Variants in ZC3H3 observed in about 807,000 individuals in gnomAD.
ZC3H3 encodes zinc finger CCCH domain-containing protein 3.
Under a neutral mutation model 77.3 loss-of-function variants are expected in ZC3H3, and 36 were observed. The observed-to-expected ratio is 0.47, with a 90% CI of 0.36 to 0.61. The LOEUF is 0.61. Ranked by LOEUF, ZC3H3 falls within the 20% of genes least tolerant of loss-of-function variation. The pLI, the probability that ZC3H3 is intolerant of heterozygous loss-of-function variation, is 0.00. For missense variants in ZC3H3, 1,331 were observed against 1,312.2 expected, an observed-to-expected ratio of 1.01 and a Z score of -0.22; for synonymous variants, 626 against 555.2, an observed-to-expected ratio of 1.13 and a Z score of -1.79.
chr8:143,492,602 C>T (rs1455211424), intron 4 of ZC3H3, among the ~76,000 whole-genome samples: 1 of 151,588 alleles, frequency 6.6e-6, no homozygotes, highest in African/African-American at 2.4e-5. Flanking sequence ...CGGGGAGGGC[C>T]TCACCTCGCA....
At chr8:143,507,415 G>A (rs145288263) in intron 4 of ZC3H3, among the ~76,000 whole-genome samples, 11 of 152,376 alleles carry the variant, frequency 7.2e-5, no homozygotes, top group African/African-American at 2.4e-4. Flanking sequence ...AGCACATGGC[G>A]TGGGCCCTGA....
At position 143,530,125 on chromosome 8, in the gene ZC3H3, A is replaced by T. The variant is rs1822554655; in HGVS notation, c.1561+6132T>A. Among the ~76,000 whole-genome samples the T allele has an allele frequency of 6.6e-6, 1 of 152,096 alleles. No individual in the cohort carries two copies. The highest frequency in any genetic ancestry group is 1.5e-5 in the Non-Finnish European group (1 of 67,980). On this transcript the variant is annotated intron_variant, in intron 3 of 11. Coordinates refer to ENST00000262577, the MANE Select transcript of ZC3H3 (RefSeq NM_015117.3). This position sits in a 1 kb window ranked among gnomAD's most constrained non-coding sequence, Gnocchi z 4.3. ...GCAGATGCCCGGCCTGGCTCCTGTCAAAGCCTGGGCAGCCGGCAGGCCTCG... is the reference window on the plus strand; with the variant it reads ...GCAGATGCCCGGCCTGGCTCCTGTCTAAGCCTGGGCAGCCGGCAGGCCTCG...
chr8:143,492,637 C>T (rs1309993653), intron 4 of ZC3H3, among the ~76,000 whole-genome samples: 1 of 152,232 alleles, frequency 6.6e-6, no homozygotes, highest in East Asian at 1.9e-4. Context: ...GGCACCTGAC[C>T]ACACGCACAT....
Position 143,523,437 on chromosome 8 carries a change from A to G in ZC3H3, c.1561+12820T>C, listed in dbSNP as rs35602999. The G allele has an allele frequency of 6.1e-3, 5,960 of 984,246 alleles. 243 individuals are homozygous for G. In the African/African-American group the frequency reaches 0.096, roughly 16 times the overall value. The allele number at this position is 984,246 out of a possible 1,614,324, so 61.0% of individuals were successfully genotyped here. A position where few individuals can be genotyped will look rare whatever the true frequency, so the allele number is the denominator to read the frequency against. Reference sequence around the variant, plus strand: ...GGTGCCCTGTCTGGAAGGTGATCTCAGGGAGGGTGGTGTTTGCAGCCATCT... The same window carrying G: ...GGTGCCCTGTCTGGAAGGTGATCTCGGGGAGGGTGGTGTTTGCAGCCATCT... On this transcript the variant is annotated intron_variant, in intron 3 of 11. Coordinates refer to ENST00000262577, the MANE Select transcript of ZC3H3 (RefSeq NM_015117.3).
At chr8:143,467,700 G>A (rs552403464) in intron 8 of ZC3H3, among the ~76,000 whole-genome samples, 1 of 152,352 alleles carries the variant, frequency 6.6e-6, no homozygotes, top group African/African-American at 2.4e-5. Flanking sequence ...CTCAAAGCAA[G>A]TCTGTTGGGT....
chr8:143,456,691 C>T (rs140428330), intron 9 of ZC3H3, among the ~76,000 whole-genome samples: 184 of 152,194 alleles, frequency 1.2e-3, no homozygotes, highest in African/African-American at 4.1e-3. Flanking sequence ...CATAGCAAGA[C>T]CCTATCTCTA....
intron 5 of ZC3H3, among the ~76,000 whole-genome samples, chr8:143,474,747 G>A (rs1820679078): frequency 6.6e-6 from 1 of 152,226 alleles, no homozygotes; most frequent in African/African-American, 2.4e-5. Context: ...AAGAAAGGGG[G>A]TAAAATTGGA....
At chr8:143,450,152 G>A (rs1320817222) in intron 9 of ZC3H3, among the ~76,000 whole-genome samples, 17 of 152,188 alleles carry the variant, frequency 1.1e-4, no homozygotes, top group South Asian at 2.1e-4. Flanking sequence ...GTCCATTATC[G>A]CATTGCTGTA....
chr8:143,508,562 T>C (rs1282563411), intron 3 of ZC3H3, among the ~76,000 whole-genome samples: 1 of 152,216 alleles, frequency 6.6e-6, no homozygotes, highest in African/African-American at 2.4e-5. Flanking sequence ...AGCTGGCAAT[T>C]TACCCACAGC....
At chr8:143,468,357 G>A (rs1370682482) in intron 7 of ZC3H3, 25 bp downstream of exon 7, 6 of 1,611,930 alleles carry the variant, frequency 3.7e-6, no homozygotes, top group Non-Finnish European at 4.2e-6. Flanking sequence ...CCTCCCCCAG[G>A]CCCACAGCGA....
intron 3 of ZC3H3, 44 bp from the exon 4 acceptor site, chr8:143,507,943 G>A (rs370936164): frequency 2.1e-5 from 32 of 1,517,030 alleles, no homozygotes; most frequent in Middle Eastern, 1.9e-4. Flanking sequence ...AGGGAAGGCC[G>A]GCAAGGGTAG....
At chr8:143,522,497 G>GC (rs1246949758) in intron 3 of ZC3H3, among the ~76,000 whole-genome samples, 2 of 152,204 alleles carry the variant, frequency 1.3e-5, no homozygotes, top group East Asian at 3.9e-4. Flanking sequence ...CAGCTACTGG[G>GC]GAGGCTGAGG....
At chr8:143,509,047 T>C (rs549235455) in intron 3 of ZC3H3, among the ~76,000 whole-genome samples, 38 of 152,192 alleles carry the variant, frequency 2.5e-4, no homozygotes, top group South Asian at 6.2e-4. Context: ...CACTGCCCTG[T>C]CCAGATGTCA....
At chr8:143,532,045 G>A (rs150876636) in intron 3 of ZC3H3, among the ~76,000 whole-genome samples, 1 of 152,228 alleles carries the variant, frequency 6.6e-6, no homozygotes, top group Admixed American at 6.5e-5. Flanking sequence ...AGATGGGATC[G>A]CTTTCTCCTG....
intron 4 of ZC3H3, among the ~76,000 whole-genome samples, chr8:143,490,885 T>C (rs4873798): frequency 0.71 from 108,458 of 152,156 alleles, 38,835 homozygotes; most frequent in South Asian, 0.8. Flanking sequence ...CCAGCCTAGG[T>C]GACAAAGCAA....
At position 143,479,414 on chromosome 8, in the gene ZC3H3, G is replaced by A. The variant is rs56895845; in HGVS notation, c.1716-3829C>T. 8.3e-3 allele frequency among the ~76,000 whole-genome samples: 1,261 copies of A among 152,290 alleles called. 14 individuals carry two copies. The highest frequency in any genetic ancestry group is 0.029 in the African/African-American group (1,189 of 41,540). ...TAGCAGGGCCAAGGACCCGGAGCGC[G>A]CGTCTGCCCTCACGGAAGGCTCTGT... On this transcript the variant is annotated intron_variant, in intron 4 of 11. Transcript: ENST00000262577.
intron 3 of ZC3H3, among the ~76,000 whole-genome samples, chr8:143,516,353 C>T (rs1468636263): frequency 6.6e-6 from 1 of 152,188 alleles, no homozygotes; most frequent in Non-Finnish European, 1.5e-5. Context: ...CACGGGGCCG[C>T]TGGGGCCCTC....
Position 143,539,130 on chromosome 8 carries a change from C to T in ZC3H3, c.237G>A (p.Arg79=). The T allele has an allele frequency of 6.2e-7, 1 of 1,612,940 alleles. No individual in the cohort carries two copies. The highest frequency in any genetic ancestry group is 8.5e-7 in the Non-Finnish European group (1 of 1,180,000). The change falls in exon 2 of 12, where the codon CGG becomes CGA. Residue 79 remains arginine (R), a synonymous_variant. Coordinates refer to ENST00000262577, the MANE Select transcript of ZC3H3 (RefSeq NM_015117.3). The part of the protein sequence containing the change: ...SWRKKYSLVN[R]PPGPSDPPAD... Reference sequence around the variant, plus strand: ...CAGGAGGGTCTGAGGGTCCCGGGGGCCGATTCACGAGGGAGTATTTCTTGC... The same window carrying T: ...CAGGAGGGTCTGAGGGTCCCGGGGGTCGATTCACGAGGGAGTATTTCTTGC...
chr8:143,479,094 C>T (rs1015000866), intron 4 of ZC3H3, among the ~76,000 whole-genome samples: 1 of 152,234 alleles, frequency 6.6e-6, no homozygotes, highest in African/African-American at 2.4e-5. Context: ...AGCCCAAGAG[C>T]CTCATTCCGA....
Sources: allele counts gnomAD v4.1 joint callset (sites outside exome capture counted in the v4.1 genomes callset), GRCh38; gene constraint gnomAD v4.1.1; non-coding constraint Gnocchi (gnomAD v3.1); transcripts MANE v1.5; gene names NCBI Gene and HGNC (gene_info 2026-07-23, HGNC 2026-07-21).